Variants in RERE observed in about 807,000 individuals in gnomAD.
RERE encodes arginine-glutamic acid dipeptide repeats, also known as arginine-glutamic acid dipeptide repeats protein.
RERE carries 40 observed loss-of-function variants against 146.1 expected under a neutral mutation model. That is an observed-to-expected ratio of 0.27 (90% CI 0.21 to 0.36). The LOEUF (loss-of-function observed/expected upper bound fraction) is 0.36, where lower values mean the gene tolerates loss of function less well. Among genes scored for constraint, RERE ranks in the 10% least tolerant of loss-of-function variants. The probability of loss-of-function intolerance (pLI) is 1.00; values close to 1 mark genes in which losing one functional copy is unlikely to be tolerated. For synonymous variants in RERE, 1,003 were observed against 866.0 expected, an observed-to-expected ratio of 1.16 and a Z score of -2.78; for missense variants, 1,933 against 2,138.7, an observed-to-expected ratio of 0.90 and a Z score of 1.90.
intron 11 of RERE, among the ~76,000 whole-genome samples, 183 bp from the exon 12 acceptor site, chr1:8,422,990 G>C (rs1214696064): frequency 6.6e-6 from 1 of 152,132 alleles, no homozygotes; most frequent in Non-Finnish European, 1.5e-5. Context: ...GCAGGCCCCA[G>C]CTACCTTCAT....
At chr1:8,753,929 C>G (rs894240130) in intron 1 of RERE, 1 of 152,190 alleles carries the variant, frequency 6.6e-6, no homozygotes, top group Non-Finnish European at 1.5e-5. Context: ...GGCAATTTGT[C>G]TGTTTGTGCA....
chr1:8,718,814 A>G (rs574370377), intron 1 of RERE, among the ~76,000 whole-genome samples: 62 of 152,320 alleles, frequency 4.1e-4, no homozygotes, highest in African/African-American at 1.4e-3. Flanking sequence ...GTGGTTAATA[A>G]CAGTACCCAC....
chr1:8,808,221 A>G (rs1641727211), intron 1 of RERE, among the ~76,000 whole-genome samples: 1 of 151,816 alleles, frequency 6.6e-6, no homozygotes, highest in Non-Finnish European at 1.5e-5. Flanking sequence ...TTAACACCCC[A>G]AACTTCAAAC....
intron 1 of RERE, among the ~76,000 whole-genome samples, chr1:8,751,951 C>CA (rs34734074): frequency 0.022 from 2,834 of 131,128 alleles, 29 homozygotes; most frequent in Middle Eastern, 0.061. Flanking sequence ...TTTAAGATTG[C>CA]AAAAAAAAAA....
chr1:8,434,408 A>G (rs1644139302), intron 11 of RERE, among the ~76,000 whole-genome samples: 1 of 152,232 alleles, frequency 6.6e-6, no homozygotes, highest in African/African-American at 2.4e-5. Context: ...ACTGATGAGG[A>G]CCATAAATCA....
chr1:8,660,044 T>C (rs984441499), intron 1 of RERE, among the ~76,000 whole-genome samples: 1 of 151,900 alleles, frequency 6.6e-6, no homozygotes, highest in Admixed American at 6.6e-5. Flanking sequence ...ATAATCTGCA[T>C]GTTATATTAA....
chr1:8,660,244 T>C (rs1327162188), intron 1 of RERE, among the ~76,000 whole-genome samples: 1 of 152,188 alleles, frequency 6.6e-6, no homozygotes, highest in Non-Finnish European at 1.5e-5. Flanking sequence ...GCATATGAAT[T>C]ATAATTCTTC....
chr1:8,615,292 C>T (rs531656700), intron 3 of RERE, among the ~76,000 whole-genome samples: 5 of 152,178 alleles, frequency 3.3e-5, no homozygotes, highest in African/African-American at 9.7e-5. Context: ...TTTCTCCAAA[C>T]GCCCACAAGG....
chr1:8,360,378 G>T lies in RERE; in HGVS notation c.3129C>A (p.Gly1043=). The T allele has an allele frequency of 8.3e-7, 1 of 1,206,468 alleles. No homozygotes were observed. Among genetic ancestry groups the T allele is most frequent in the Non-Finnish European group, 1.1e-6 (1 of 947,912 alleles). The allele number at this position is 1,206,468 out of a possible 1,614,324, so 74.7% of individuals were successfully genotyped here. The change falls in exon 18 of 23, where the codon GGC becomes GGA. Residue 1043 remains glycine, a synonymous_variant. Transcript: ENST00000400908. Reference sequence around the variant, plus strand: ...AGGTCGGAGGGGTGATGGGAGGAGGGCCTCCAGGGACAAAGGGGTGCTGAG... The same window carrying T: ...AGGTCGGAGGGGTGATGGGAGGAGGTCCTCCAGGGACAAAGGGGTGCTGAG... ...PFAQHPFVPG[G]PPPITPPTCP...
chr1:8,498,713 A>T (rs1193031913), intron 8 of RERE, among the ~76,000 whole-genome samples: 3 of 126,528 alleles, frequency 2.4e-5, no homozygotes, highest in Non-Finnish European at 4.9e-5. Flanking sequence ...AAAAAAATAA[A>T]AAAAAAAAAA....
At chr1:8,700,312 AT>A (rs1385781245) in intron 1 of RERE, among the ~76,000 whole-genome samples, 2 of 152,246 alleles carry the variant, frequency 1.3e-5, no homozygotes, top group African/African-American at 2.4e-5. Flanking sequence ...CTCAAAAAAA[AT>A]AAAAATAAAA....
In RERE at chr1:8,360,267, T is replaced by C. The variant is rs1361722348; in HGVS notation, c.3240A>G (p.Ile1080Met). 1.3e-6 allele frequency: 2 copies of C among 1,571,870 alleles called. No homozygotes were observed. Among genetic ancestry groups the C allele is most frequent in the African/African-American group, 1.4e-5 (1 of 73,706 alleles). Residue 1080 changes from isoleucine to methionine, a missense_variant, in exon 18 of 23, where the codon ATA becomes ATG. By Grantham distance (10) the Ile-to-Met change is conservative. This residue lies in a region of RERE where 1,255 missense variants were observed against 1,153.8 expected (regional missense o/e 1.09). Transcript: ENST00000400908. Reference sequence around the variant, plus strand: ...GGAGTGGGCAGGACGACCCCCCCGCTATGCTGCCTCCTGAAGCCGCCGCAC... The same window carrying C: ...GGAGTGGGCAGGACGACCCCCCCGCCATGCTGCCTCCTGAAGCCGCCGCAC... Reference protein sequence around the residue: ...CSGAAASGGSIAGGSSCPLPT... With the variant: ...CSGAAASGGSMAGGSSCPLPT...
chr1:8,499,902 C>G (rs1204796775), intron 8 of RERE, among the ~76,000 whole-genome samples: 1 of 152,028 alleles, frequency 6.6e-6, no homozygotes, highest in Admixed American at 6.6e-5. Context: ...GGCAGATCAC[C>G]TGAGGTCAGG....
chr1:8,545,685 CTT>C lies in RERE; in HGVS notation c.726-4369_726-4368del, dbSNP rs1165619190. Among the ~76,000 whole-genome samples the C allele has an allele frequency of 2.3e-3, 313 of 135,390 alleles. 1 individual carries two copies. The highest frequency in any genetic ancestry group is 8.8e-3 in the South Asian group (37 of 4,224). The allele number at this position is 135,390 out of a possible 152,430, so 88.8% of individuals were successfully genotyped here. A position where few individuals can be genotyped will look rare whatever the true frequency, so the allele number is the denominator to read the frequency against. On this transcript the variant is annotated intron_variant, in intron 6 of 22. Transcript: ENST00000400908. ...AAAAATAAATTATTAATAAAAAATT[CTT>C]TTTTTTTTTTTTTTGAGACAGAGTC...
chr1:8,612,839 C>T (rs1295890268), intron 4 of RERE, among the ~76,000 whole-genome samples: 1 of 152,154 alleles, frequency 6.6e-6, no homozygotes, highest in Non-Finnish European at 1.5e-5. Context: ...ACTAATTTGT[C>T]CCGTAAGATG....
At chr1:8,373,308 A>C (rs1311720234) in intron 12 of RERE, among the ~76,000 whole-genome samples, 1 of 152,210 alleles carries the variant, frequency 6.6e-6, no homozygotes, top group African/African-American at 2.4e-5. Flanking sequence ...TAGAGTCAGA[A>C]TGTTGTTCCC....
rs1641493909 is a variant in RERE, at chr1:8,360,051, C to G, written c.3395+61G>C. 3 of 1,588,720 alleles carry G rather than the reference C, an allele frequency of 1.9e-6. No individual in the cohort carries two copies. The South Asian group carries it at 3.4e-5, about 18-fold the overall frequency. The stretch of plus-strand genomic sequence containing the variant: ...GACCCACCCCGGCCCTCCCTCCCAC[C>G]AGAACTTGCCCCCACCAGCCCACCT... On this transcript the variant is annotated intron_variant, in intron 18 of 22. Transcript: ENST00000400908.
intron 12 of RERE, among the ~76,000 whole-genome samples, chr1:8,403,046 G>A (rs1017780110): frequency 4.0e-5 from 6 of 151,822 alleles, no homozygotes; most frequent in African/African-American, 1.2e-4. Context: ...CTACAGGCGC[G>A]CACCACCACA....
Position 8,382,620 on chromosome 1 carries a change from A to AGACGTTAC in RERE, c.1285-16654_1285-16647dup, listed in dbSNP as rs1466226714. Among the ~76,000 whole-genome samples, 3 of 152,242 alleles carry AGACGTTAC rather than the reference A, an allele frequency of 2.0e-5. No homozygotes were observed. The South Asian group carries it at 6.2e-4, about 31-fold the overall frequency. Reference sequence around the variant, plus strand: ...AGGTACCTTTCTAGATGCACAGGCAAGACGTTACTACGTTACACACAATGG... The same window carrying AGACGTTAC: ...AGGTACCTTTCTAGATGCACAGGCAAGACGTTACGACGTTACTACGTTACACACAATGG... On this transcript the variant is annotated intron_variant, in intron 12 of 22. Transcript: ENST00000400908.
Sources: gnomAD v4.1 joint callset for allele counts (sites outside exome capture counted in the v4.1 genomes callset) on GRCh38, gnomAD v4.1.1 for gene constraint, gnomAD v4.1.1 regional missense constraint, MANE v1.5 for transcripts, NCBI Gene and HGNC (gene_info 2026-07-23, HGNC 2026-07-21) for gene names.